The following CACNA2D1 variants were observed in gnomAD, a reference collection of about 807,000 sequenced individuals.
CACNA2D1 encodes calcium voltage-gated channel auxiliary subunit alpha2delta 1, also known as voltage-dependent calcium channel subunit alpha-2/delta-1.
Under a neutral mutation model 171.5 loss-of-function variants are expected in CACNA2D1, and 53 were observed. The ratio of observed to expected loss-of-function variants is 0.31; its 90% CI spans 0.25 to 0.39. The LOEUF (loss-of-function observed/expected upper bound fraction) is 0.39, where lower values mean the gene tolerates loss of function less well. CACNA2D1 is among the 10% of genes least tolerant of loss of function. CACNA2D1 has a pLI of 1.00. For missense variants in CACNA2D1, 903 were observed against 1,299.8 expected (o/e 0.69, Z 4.69); for synonymous variants, 442 against 443.1 (o/e 1.00, Z 0.03).
chr7:82,399,785 G>A (rs1238314020), intron 1 of CACNA2D1, among the ~76,000 whole-genome samples: 4 of 141,026 alleles, frequency 2.8e-5, no homozygotes, highest in Non-Finnish European at 3.0e-5. Context: ...GTTCAAAATG[G>A]GGCACTTGGG....
intron 1 of CACNA2D1, among the ~76,000 whole-genome samples, chr7:82,425,644 G>C (rs1242490977): frequency 6.7e-6 from 1 of 150,160 alleles, no homozygotes; most frequent in African/African-American, 2.5e-5. Flanking sequence ...AGGCTCAAGT[G>C]ATCCTCTCAC....
At chr7:82,310,035 A>G (rs894180392) in intron 3 of CACNA2D1, among the ~76,000 whole-genome samples, 2 of 152,122 alleles carry the variant, frequency 1.3e-5, no homozygotes, top group Admixed American at 6.6e-5. Context: ...ATAACTCTAA[A>G]TTTATATGCT....
chr7:82,375,750 A>C (rs1822951037), intron 1 of CACNA2D1, among the ~76,000 whole-genome samples: 1 of 152,190 alleles, frequency 6.6e-6, no homozygotes, highest in South Asian at 2.1e-4. Flanking sequence ...AGTGCTTAGT[A>C]AATATATTCA....
At chr7:82,341,590 A>T (rs1424631930) in intron 2 of CACNA2D1, among the ~76,000 whole-genome samples, 2 of 152,186 alleles carry the variant, frequency 1.3e-5, no homozygotes, top group Non-Finnish European at 2.9e-5. Context: ...CAAGCTTTTA[A>T]AATGTCTTAC....
intron 3 of CACNA2D1, among the ~76,000 whole-genome samples, chr7:82,333,340 T>G (rs1435755469): frequency 6.6e-6 from 1 of 152,130 alleles, no homozygotes; most frequent in Admixed American, 6.6e-5. Context: ...ATGTATTTAG[T>G]CTGTTCTCAC....
intron 3 of CACNA2D1, among the ~76,000 whole-genome samples, chr7:82,278,238 T>G (rs927236610): frequency 6.6e-6 from 1 of 152,152 alleles, no homozygotes; most frequent in African/African-American, 2.4e-5. Context: ...TTTATTTATT[T>G]GAAACATCAC....
chr7:82,186,174 G>A (rs1797715554), intron 3 of CACNA2D1, among the ~76,000 whole-genome samples: 1 of 116,982 alleles, frequency 8.5e-6, no homozygotes, highest in Admixed American at 9.2e-5. Context: ...AAAAAAGAGA[G>A]AGAAGGAAGG....
chr7:82,125,992 T>C (rs1477145315), intron 5 of CACNA2D1, among the ~76,000 whole-genome samples: 1 of 152,230 alleles, frequency 6.6e-6, no homozygotes, highest in Non-Finnish European at 1.5e-5. Context: ...ATATTAATAA[T>C]TAATGTTTTT....
chr7:82,332,138 G>T (rs561358075), intron 3 of CACNA2D1, among the ~76,000 whole-genome samples: 1 of 152,206 alleles, frequency 6.6e-6, no homozygotes, highest in South Asian at 2.1e-4. Context: ...TCAGCTCACT[G>T]CATCCTCTGC....
chr7:82,272,646 T>C (rs2129353138), intron 3 of CACNA2D1, among the ~76,000 whole-genome samples: 1 of 152,264 alleles, frequency 6.6e-6, no homozygotes, highest in South Asian at 2.1e-4. Flanking sequence ...CAAACCACCT[T>C]AGAAGTGGAT....
chr7:82,263,696 T>C (rs1807445158), intron 3 of CACNA2D1, among the ~76,000 whole-genome samples: 1 of 152,234 alleles, frequency 6.6e-6, no homozygotes, highest in Non-Finnish European at 1.5e-5. Flanking sequence ...TTGTTTCGTT[T>C]TGTTTTGGTA....
intron 4 of CACNA2D1, among the ~76,000 whole-genome samples, chr7:82,150,634 A>G (rs1793761144): frequency 6.6e-6 from 1 of 152,160 alleles, no homozygotes; most frequent in Admixed American, 6.5e-5. Context: ...ACCCCTTTGC[A>G]CCTACCAAAT....
chr7:82,107,784 A>G (rs1787930374), intron 6 of CACNA2D1, among the ~76,000 whole-genome samples: 1 of 151,790 alleles, frequency 6.6e-6, no homozygotes, highest in African/African-American at 2.4e-5. Context: ...GGGTTTCACC[A>G]TGTTGGCCAG....
intron 12 of CACNA2D1, among the ~76,000 whole-genome samples, chr7:82,024,307 C>G (rs967381997): frequency 1.3e-5 from 2 of 151,676 alleles, no homozygotes; most frequent in Non-Finnish European, 3.0e-5. Flanking sequence ...ACATCCTCCC[C>G]AACACTTGTC....
chr7:82,178,327 G>A (rs1258518694), intron 3 of CACNA2D1, among the ~76,000 whole-genome samples: 1 of 152,172 alleles, frequency 6.6e-6, no homozygotes, highest in African/African-American at 2.4e-5. Flanking sequence ...GGCAGGGTAA[G>A]GGAGATATCA....
At chr7:82,414,588 T>C (rs888611280) in intron 1 of CACNA2D1, among the ~76,000 whole-genome samples, 2 of 152,208 alleles carry the variant, frequency 1.3e-5, no homozygotes, top group African/African-American at 4.8e-5. Flanking sequence ...GAGCATTCCA[T>C]CCAGGGAGGC....
intron 21 of CACNA2D1, among the ~76,000 whole-genome samples, chr7:81,989,908 C>T (rs975118799): frequency 6.6e-6 from 1 of 152,142 alleles, no homozygotes; most frequent in African/African-American, 2.4e-5. Context: ...GATTTCATGT[C>T]TTGAGTCAAG....
rs572698810 is a variant in CACNA2D1, at chr7:82,261,115, C to T, written c.294+74020G>A. Reference sequence around the variant, plus strand: ...GATTACAGGTGCCCACCAGCACGCCCGGCTAAATTTTGTATTTTTAGTAGA... The same window carrying T: ...GATTACAGGTGCCCACCAGCACGCCTGGCTAAATTTTGTATTTTTAGTAGA... On this transcript the variant is annotated intron_variant, in intron 3 of 38. Transcript: ENST00000356860. 1.4e-4 allele frequency among the ~76,000 whole-genome samples: 22 copies of T among 152,116 alleles called. No individual in the cohort carries two copies. In the South Asian group the frequency reaches 1.7e-3, roughly 11 times the overall value.
At chr7:82,074,570 A>C (rs191950597) in intron 7 of CACNA2D1, among the ~76,000 whole-genome samples, 78 of 152,218 alleles carry the variant, frequency 5.1e-4, no homozygotes, top group African/African-American at 1.6e-3. Flanking sequence ...CTTTGTTTGC[A>C]TTATATTTTA....
Sources: allele counts gnomAD v4.1 joint callset (sites outside exome capture counted in the v4.1 genomes callset), GRCh38; gene constraint gnomAD v4.1.1; transcripts MANE v1.5; gene names NCBI Gene and HGNC (gene_info 2026-07-23, HGNC 2026-07-21).